PTPRT: variants seen among roughly 807,000 people sequenced by gnomAD.
The protein encoded by PTPRT is protein tyrosine phosphatase receptor type T, also known as receptor-type tyrosine-protein phosphatase T.
In PTPRT, 56 loss-of-function variants were observed where a neutral mutation model predicts 176.8. That is an observed-to-expected ratio of 0.32 (90% CI 0.26 to 0.40). The LOEUF is 0.40. Ranked by LOEUF, PTPRT falls within the 10% of genes least tolerant of loss-of-function variation. The pLI is 1.00. For missense variants in PTPRT, 1,540 were observed against 1,908.2 expected, an observed-to-expected ratio of 0.81 and a Z score of 3.60; for synonymous variants, 783 against 739.0, an observed-to-expected ratio of 1.06 and a Z score of -0.96.
chr20:42,593,642 T>C (rs991788811), intron 7 of PTPRT, among the ~76,000 whole-genome samples: 3 of 152,142 alleles, frequency 2.0e-5, no homozygotes, highest in African/African-American at 4.8e-5. Flanking sequence ...TGGAATCACA[T>C]TAAGATTAAT....
intron 7 of PTPRT, among the ~76,000 whole-genome samples, chr20:42,625,515 A>T (rs2074273702): frequency 6.6e-6 from 1 of 151,642 alleles, no homozygotes; most frequent in African/African-American, 2.4e-5. Flanking sequence ...GCTGTTTGTC[A>T]GTCTCTGTCT....
chr20:42,641,284 G>T (rs924267537), intron 7 of PTPRT, among the ~76,000 whole-genome samples: 1 of 152,180 alleles, frequency 6.6e-6, no homozygotes, highest in Non-Finnish European at 1.5e-5. Flanking sequence ...CTAGCGATGT[G>T]TGAGAGGCCT....
chr20:42,145,302 C>A (rs1046476351), intron 17 of PTPRT, among the ~76,000 whole-genome samples: 2 of 152,138 alleles, frequency 1.3e-5, no homozygotes, highest in Admixed American at 1.3e-4. Flanking sequence ...GAGTTCAAGA[C>A]CAGCCTGGTC....
chr20:43,170,017 A>G (rs1400879362), intron 1 of PTPRT, among the ~76,000 whole-genome samples: 3 of 152,078 alleles, frequency 2.0e-5, no homozygotes, highest in African/African-American at 7.2e-5. Flanking sequence ...AATGTCTGGT[A>G]TATAGTTACC....
chr20:42,573,204 C>G (rs1166136545), intron 7 of PTPRT, among the ~76,000 whole-genome samples: 1 of 152,156 alleles, frequency 6.6e-6, no homozygotes, highest in Non-Finnish European at 1.5e-5. Context: ...CAAGGTGCAT[C>G]TAGCCAAGGA....
chr20:43,053,906 A>G (rs896404662), intron 1 of PTPRT, among the ~76,000 whole-genome samples: 5 of 152,254 alleles, frequency 3.3e-5, no homozygotes, highest in Non-Finnish European at 7.3e-5. Context: ...AAATTAATAC[A>G]TATTTCTCAA....
intron 9 of PTPRT, among the ~76,000 whole-genome samples, chr20:42,359,047 A>G (rs891650448): frequency 2.0e-5 from 3 of 152,194 alleles, no homozygotes; most frequent in Non-Finnish European, 2.9e-5. Context: ...TTTGCAGATA[A>G]ACAGCATCAG....
In PTPRT at chr20:43,189,536, G is replaced by T; in HGVS notation, c.88+110C>A. On this transcript the variant is annotated intron_variant, in intron 1 of 30. Transcript: ENST00000373187. This position sits in a 1 kb window ranked among gnomAD's most constrained non-coding sequence, Gnocchi z 5.0. ...ACCCGGGTTCCGGCCATGGGGACCCGCGCCCCCGCGAGCCCACACAACTTT... is the reference window on the plus strand; with the variant it reads ...ACCCGGGTTCCGGCCATGGGGACCCTCGCCCCCGCGAGCCCACACAACTTT... 1 of 656,046 alleles carries T rather than the reference G, an allele frequency of 1.5e-6. No homozygotes were observed. The highest frequency in any genetic ancestry group is 2.1e-6 in the Non-Finnish European group (1 of 484,044). 40.6% of individuals were successfully genotyped at this position (656,046 alleles called of 1,614,324 possible).
At chr20:43,004,546 A>G (rs1281894702) in intron 1 of PTPRT, among the ~76,000 whole-genome samples, 1 of 152,234 alleles carries the variant, frequency 6.6e-6, no homozygotes, top group Non-Finnish European at 1.5e-5. Flanking sequence ...AAACACCTTC[A>G]TACATTCATG....
At chr20:42,642,653 GTATTACACTCTT>G in intron 7 of PTPRT, among the ~76,000 whole-genome samples, 1 of 152,220 alleles carries the variant, frequency 6.6e-6, no homozygotes, top group Middle Eastern at 3.4e-3. Context: ...GTGGTAACTA[GTATTACACTCTT>G]TAATACCAAT....
In PTPRT at chr20:42,976,197, C is replaced by T. The variant is rs564177159; in HGVS notation, c.89-90265G>A. 1.1e-3 allele frequency among the ~76,000 whole-genome samples: 174 copies of T among 152,174 alleles called. 1 individual carries two copies. Among genetic ancestry groups the T allele is most frequent in the African/African-American group, 3.8e-3 (158 of 41,548 alleles). The stretch of plus-strand genomic sequence containing the variant: ...CATATGGCAGCTTTCATCTGGACTA[C>T]AATAATTGAGAAAACTGTATCAGAT... On this transcript the variant is annotated intron_variant, in intron 1 of 30. Transcript: ENST00000373187.
chr20:42,056,212 T>C, the PTPRT span, among the ~76,000 whole-genome samples: 10 of 152,352 alleles, frequency 6.6e-5, no homozygotes, highest in African/African-American at 2.4e-4. Flanking sequence ...ATTTGTCTTA[T>C]GAAGTGCTCT....
chr20:43,168,107 A>T (rs1322477108), intron 1 of PTPRT, among the ~76,000 whole-genome samples: 1 of 152,216 alleles, frequency 6.6e-6, no homozygotes, highest in African/African-American at 2.4e-5. Context: ...TCCAGGAGTC[A>T]CATGTTGTCA....
chr20:42,084,598 C>T, intron 29 of PTPRT, 84 bp downstream of exon 29: 1 of 1,232,478 alleles, frequency 8.1e-7, no homozygotes, highest in South Asian at 3.5e-5. Context: ...CTGCCTAGGA[C>T]TGGGGTATGT....
chr20:42,072,841 T>TAA lies in PTPRT; in HGVS notation c.*8037_*8038insTT, dbSNP rs1982425591. 4.6e-6 allele frequency: 1 copy of TAA among 218,966 alleles called. No homozygotes were observed. The highest frequency in any genetic ancestry group is 6.7e-5 in the East Asian group (1 of 14,910). 13.6% of individuals were successfully genotyped at this position (218,966 alleles called of 1,614,324 possible). A position where few individuals can be genotyped will look rare whatever the true frequency, so the allele number is the denominator to read the frequency against. ...GTTACAAACATTGTCAGGGAACATT[T>TAA]ACAAGAATAAATAAGATGGACTTGC... On this transcript the variant is annotated 3_prime_UTR_variant, in exon 31 of 31. Transcript: ENST00000373187.
At chr20:42,687,701 A>G (rs773821557) in intron 6 of PTPRT, 3 of 151,716 alleles carry the variant, frequency 2.0e-5, no homozygotes, top group Admixed American at 1.3e-4. Flanking sequence ...GGCACCCTTC[A>G]CTCCCCTCCC....
the PTPRT span, among the ~76,000 whole-genome samples, chr20:42,044,964 GC>G: frequency 4.6e-5 from 7 of 152,258 alleles, no homozygotes; most frequent in African/African-American, 1.4e-4. Flanking sequence ...TGCCCCTTCT[GC>G]CTTCAAAGCT....
chr20:42,213,432 T>C (rs1269647519), intron 15 of PTPRT, among the ~76,000 whole-genome samples: 1 of 152,162 alleles, frequency 6.6e-6, no homozygotes, highest in Non-Finnish European at 1.5e-5. Flanking sequence ...CTAAGAATCA[T>C]GGCAACAACT....
At chr20:42,898,773 T>G (rs208212) in intron 1 of PTPRT, among the ~76,000 whole-genome samples, 1 of 151,484 alleles carries the variant, frequency 6.6e-6, no homozygotes, top group Non-Finnish European at 1.5e-5. Context: ...GAGCAGACAC[T>G]GTGAGATGCA....
Sources: gnomAD v4.1 joint callset for allele counts (sites outside exome capture counted in the v4.1 genomes callset) on GRCh38, gnomAD v4.1.1 for gene constraint, Gnocchi (gnomAD v3.1) non-coding constraint, MANE v1.5 for transcripts, NCBI Gene and HGNC (gene_info 2026-07-23, HGNC 2026-07-21) for gene names.